The following PLCL2 variants were observed in gnomAD, a reference collection of about 807,000 sequenced individuals.
PLCL2 encodes the protein inactive phospholipase C-like protein 2.
In PLCL2, 4 loss-of-function variants were observed where a neutral mutation model predicts 79.6. That is an observed-to-expected ratio of 0.05 (90% CI 0.02 to 0.11). The LOEUF is 0.11. Among genes scored for constraint, PLCL2 ranks in the 10% least tolerant of loss-of-function variants. The pLI, the probability that PLCL2 is intolerant of heterozygous loss-of-function variation, is 1.00. For synonymous variants in PLCL2, 484 were observed against 457.7 expected (o/e 1.06, Z -0.73); for missense variants, 895 against 1,291.0 (o/e 0.69, Z 4.70).
Position 17,059,518 on chromosome 3 carries a change from A to G in PLCL2, c.3095-8438A>G, listed in dbSNP as rs374014142. On this transcript the variant is annotated intron_variant, in intron 4 of 5. Coordinates refer to ENST00000615277, the MANE Select transcript of PLCL2 (RefSeq NM_001144382.2). ...TATGTGTGTATATATACACACATAT[A>G]CATATATATACTTGCCTCCAGACAT... Among the ~76,000 whole-genome samples the G allele has an allele frequency of 3.3e-5, 5 of 151,586 alleles. No homozygotes were observed. The East Asian group carries it at 7.7e-4, about 23-fold the overall frequency.
At chr3:16,913,267 C>G (rs1382837205) in intron 1 of PLCL2, among the ~76,000 whole-genome samples, 2 of 151,928 alleles carry the variant, frequency 1.3e-5, no homozygotes, top group African/African-American at 4.8e-5. Context: ...TCCAGAATTA[C>G]TCTCCCTCTC....
At chr3:17,089,671 G>A in intron 5 of PLCL2, 62 bp from the exon 6 acceptor site, 4 of 942,050 alleles carry the variant, frequency 4.2e-6, no homozygotes, top group Non-Finnish European at 6.5e-6. Flanking sequence ...GATAGATATT[G>A]TTGAAGTATA....
At chr3:17,088,422 C>T (rs1339812011) in intron 5 of PLCL2, among the ~76,000 whole-genome samples, 4 of 151,610 alleles carry the variant, frequency 2.6e-5, no homozygotes, top group Non-Finnish European at 4.4e-5. Flanking sequence ...ATTGAGAACC[C>T]AAGGGGATGG....
chr3:17,062,833 C>T (rs1357024587), intron 4 of PLCL2, among the ~76,000 whole-genome samples: 1 of 152,100 alleles, frequency 6.6e-6, no homozygotes, highest in Admixed American at 6.5e-5. Flanking sequence ...TATTATTGGC[C>T]TGGTTTCTAT....
chr3:16,933,136 T>C (rs9825009), intron 1 of PLCL2: 30,870 of 154,764 alleles, frequency 0.2, 3,512 homozygotes, highest in East Asian at 0.52. Context: ...TTTACAGTGG[T>C]TGCTGCTCAG....
intron 3 of PLCL2, among the ~76,000 whole-genome samples, chr3:17,037,045 C>G (rs988662528): frequency 6.6e-6 from 1 of 152,180 alleles, no homozygotes; most frequent in Non-Finnish European, 1.5e-5. Context: ...ACATTTAAAC[C>G]ATAACAGAGG....
intron 5 of PLCL2, among the ~76,000 whole-genome samples, chr3:17,072,472 C>T (rs1242169630): frequency 1.3e-5 from 2 of 151,962 alleles, no homozygotes; most frequent in Admixed American, 1.3e-4. Context: ...AGTTCAAGAC[C>T]AGCCTGGCCA....
At chr3:16,903,984 A>C (rs1052817802) in intron 1 of PLCL2, among the ~76,000 whole-genome samples, 1 of 152,228 alleles carries the variant, frequency 6.6e-6, no homozygotes, top group African/African-American at 2.4e-5. Flanking sequence ...CTATCAAAAA[A>C]ATTCAGCTTT....
chr3:16,940,429 A>G (rs543273910), intron 1 of PLCL2, among the ~76,000 whole-genome samples: 3 of 152,262 alleles, frequency 2.0e-5, no homozygotes, highest in African/African-American at 7.2e-5. Context: ...GGCCACAACT[A>G]AGTTCCATGT....
chr3:16,959,718 C>T (rs2063738272), intron 1 of PLCL2, among the ~76,000 whole-genome samples: 2 of 152,140 alleles, frequency 1.3e-5, no homozygotes, highest in South Asian at 2.1e-4. Flanking sequence ...CCTACTTGGT[C>T]GTCAATACCA....
At chr3:16,910,116 C>T (rs975241431) in intron 1 of PLCL2, among the ~76,000 whole-genome samples, 2 of 152,218 alleles carry the variant, frequency 1.3e-5, no homozygotes, top group Non-Finnish European at 2.9e-5. Flanking sequence ...GGATTATTCC[C>T]ATCAGCATCA....
intron 3 of PLCL2, among the ~76,000 whole-genome samples, chr3:17,038,807 T>C (rs1229863438): frequency 6.6e-6 from 1 of 152,232 alleles, no homozygotes; most frequent in African/African-American, 2.4e-5. Context: ...GCTTTTGTGC[T>C]TTCTTCGGAT....
rs114428160 is a variant in PLCL2 at position 16,895,237 on chromosome 3, G to C, written c.327+9871G>C. On this transcript the variant is annotated intron_variant, in intron 1 of 5. Coordinates refer to ENST00000615277, the MANE Select transcript of PLCL2 (RefSeq NM_001144382.2). ...AATGAAAATTCTTAATTTTAGAGAA[G>C]TTCAGTGTATCAGTATTTTTCTTTA... Among the ~76,000 whole-genome samples the C allele has an allele frequency of 1.0e-3, 155 of 152,188 alleles. 1 individual carries two copies. Among genetic ancestry groups the C allele is most frequent in the African/African-American group, 3.6e-3 (149 of 41,536 alleles).
chr3:16,917,178 C>G (rs913474840), intron 1 of PLCL2, among the ~76,000 whole-genome samples: 1 of 152,178 alleles, frequency 6.6e-6, no homozygotes, highest in Non-Finnish European at 1.5e-5. Flanking sequence ...CAGTGTATTC[C>G]TCTTCCTTTC....
In PLCL2 at chr3:17,011,948, G is replaced by C. The variant is rs367652304; in HGVS notation, c.2602G>C (p.Val868Leu). Reference sequence around the variant, plus strand: ...CCCCCTGCAGTCCTTAACTGGAGAGGTCCTTGCACATGCTTCTTTATTTGT... The same window carrying C: ...CCCCCTGCAGTCCTTAACTGGAGAGCTCCTTGCACATGCTTCTTTATTTGT... ...HVPLQSLTGEVLAHASLFVHV... is the reference protein window; with the variant it reads ...HVPLQSLTGELLAHASLFVHV... The change falls in exon 2 of 6, where the codon GTC becomes CTC. Residue 868 changes from valine to leucine, a missense_variant. Coordinates refer to ENST00000615277, the MANE Select transcript of PLCL2 (RefSeq NM_001144382.2). This position sits in a 1 kb window ranked among gnomAD's most constrained non-coding sequence, Gnocchi z 7.9. The C allele has an allele frequency of 3.0e-5, 49 of 1,614,074 alleles. No homozygotes were observed. Among genetic ancestry groups the C allele is most frequent in the Non-Finnish European group, 4.0e-5 (47 of 1,180,026 alleles).
intron 1 of PLCL2, among the ~76,000 whole-genome samples, chr3:16,991,270 G>C (rs886661172): frequency 2.0e-5 from 3 of 152,204 alleles, no homozygotes; most frequent in Non-Finnish European, 1.5e-5. Flanking sequence ...GATAGGTCCT[G>C]CTTCACAGAG....
intron 3 of PLCL2, among the ~76,000 whole-genome samples, chr3:17,031,198 C>A (rs1250756478): frequency 6.6e-6 from 1 of 152,124 alleles, no homozygotes; most frequent in Admixed American, 6.5e-5. Flanking sequence ...GGAGACACTA[C>A]CCTCCATTCA....
intron 4 of PLCL2, among the ~76,000 whole-genome samples, chr3:17,044,904 A>C (rs1335440991): frequency 1.3e-5 from 2 of 152,210 alleles, no homozygotes; most frequent in Non-Finnish European, 2.9e-5. Flanking sequence ...CTTATCTATT[A>C]GGGATTTTGA....
At chr3:17,008,233 G>A (rs1328683206) in intron 1 of PLCL2, among the ~76,000 whole-genome samples, 1 of 151,112 alleles carries the variant, frequency 6.6e-6, no homozygotes, top group African/African-American at 2.4e-5. Flanking sequence ...CCAACTCTAC[G>A]ATTTTAGGAG....
Sources: gnomAD v4.1 joint callset for allele counts (sites outside exome capture counted in the v4.1 genomes callset) on GRCh38, gnomAD v4.1.1 for gene constraint, Gnocchi (gnomAD v3.1) non-coding constraint, MANE v1.5 for transcripts, NCBI Gene and HGNC (gene_info 2026-07-23, HGNC 2026-07-21) for gene names.